Variants in ITGA11 observed in about 807,000 individuals in gnomAD.
ITGA11 encodes the protein integrin alpha-11.
A neutral mutation model predicts 141.9 loss-of-function variants in ITGA11; 97 were observed. The observed-to-expected ratio is 0.68, with a 90% confidence interval of 0.58 to 0.81. ITGA11 has a LOEUF of 0.81. ITGA11 is among the 30% of genes least tolerant of loss of function. The pLI is 0.00. For synonymous variants in ITGA11, 658 were observed against 624.6 expected (o/e 1.05, Z -0.80); for missense variants, 1,387 against 1,559.2 (o/e 0.89, Z 1.86).
intron 2 of ITGA11, among the ~76,000 whole-genome samples, chr15:68,385,269 A>ATGGCTTTGC (rs1555452278): frequency 6.6e-6 from 1 of 152,210 alleles, no homozygotes; most frequent in East Asian, 1.9e-4. Context: ...CTACTCGGAC[A>ATGGCTTTGC]TGCCTTTGCT....
At chr15:68,374,726 C>T (rs1895685624) in intron 2 of ITGA11, among the ~76,000 whole-genome samples, 1 of 152,228 alleles carries the variant, frequency 6.6e-6, no homozygotes, top group Non-Finnish European at 1.5e-5. Flanking sequence ...ATGAGCTTGC[C>T]TCTGCAGGAG....
At position 68,408,554 on chromosome 15, in the gene ITGA11, C is replaced by T. The variant is rs576627950; in HGVS notation, c.53-5525G>A. 2.6e-5 allele frequency among the ~76,000 whole-genome samples: 4 copies of T among 152,028 alleles called. No homozygotes were observed. In the East Asian group the frequency reaches 5.8e-4, roughly 22 times the overall value. ...TTGGGAGAGTGGCTCACGGGAAGCA[C>T]GTGGAGTGCAAGTGTGCCCTGCAAG... On this transcript the variant is annotated intron_variant, in intron 1 of 29. Transcript: ENST00000315757.
At chr15:68,319,359 C>T (rs558427119) in intron 20 of ITGA11, among the ~76,000 whole-genome samples, 7 of 152,344 alleles carry the variant, frequency 4.6e-5, no homozygotes, top group South Asian at 2.1e-4. Flanking sequence ...GCTAGCACAG[C>T]GCTGGACGCC....
rs976475462 is a variant in ITGA11, at chr15:68,328,822, A to G, written c.1902-560T>C. ...AGATCCCAGGTGATGTGAACGTTCC[A>G]TGGACCACACTTCGAAGAGCGAGGC... is the stretch of plus-strand genomic sequence containing the variant. On this transcript the variant is annotated intron_variant, in intron 15 of 29. Transcript: ENST00000315757. This position sits in a 1 kb window ranked among gnomAD's most constrained non-coding sequence, Gnocchi z 4.8. Among the ~76,000 whole-genome samples, 1 of 152,166 alleles carries G rather than the reference A, an allele frequency of 6.6e-6. No individual in the cohort carries two copies. The highest frequency in any genetic ancestry group is 1.5e-5 in the Non-Finnish European group (1 of 68,028).
chr15:68,424,579 A>C (rs2140440614), intron 1 of ITGA11, among the ~76,000 whole-genome samples: 1 of 152,302 alleles, frequency 6.6e-6, no homozygotes, highest in East Asian at 1.9e-4. Context: ...CCCAGGATGG[A>C]GGACCACTGG....
At chr15:68,344,285 TA>T (rs1285617944) in intron 10 of ITGA11, among the ~76,000 whole-genome samples, 3 of 152,098 alleles carry the variant, frequency 2.0e-5, no homozygotes, top group African/African-American at 2.4e-5. Context: ...TGTTTAGGTC[TA>T]GGGGGGCACA....
chr15:68,415,750 A>C (rs1441611781), intron 1 of ITGA11, among the ~76,000 whole-genome samples: 6 of 152,116 alleles, frequency 3.9e-5, no homozygotes, highest in Non-Finnish European at 4.4e-5. Context: ...CAGAGAGCTC[A>C]TGTGTGTCAT....
At chr15:68,317,422 G>A (rs1567125853) in intron 20 of ITGA11, 59 bp from the exon 21 acceptor site, 16 of 1,200,358 alleles carry the variant, frequency 1.3e-5, no homozygotes, top group East Asian at 7.0e-5. Context: ...ACCAGGTCTC[G>A]AGGCTCCCTC....
At chr15:68,431,563 G>A (rs777013868) in intron 1 of ITGA11, among the ~76,000 whole-genome samples, 1 of 152,182 alleles carries the variant, frequency 6.6e-6, no homozygotes, top group Non-Finnish European at 1.5e-5. Context: ...TCCAAACTTT[G>A]AGATGCTTCC....
rs767641088 is a variant in ITGA11, at chr15:68,350,719, T to C, written c.958A>G (p.Ile320Val). ...TGCTTGTCATCAGGGTCACTGGCGA[T>C]GTATTTGATTTCATTTAGAAAAGTT... ...PETFLNEIKY[I>V]ASDPDDKHFF... Residue 320 changes from isoleucine to valine, a missense_variant, in exon 9 of 30, where the codon ATC (isoleucine) becomes GTC (valine). Physicochemically the swap from Ile to Val is conservative, Grantham distance 29. Coordinates refer to ENST00000315757, the MANE Select transcript of ITGA11 (RefSeq NM_001004439.2). The C allele has an allele frequency of 3.1e-6, 5 of 1,613,758 alleles. No individual in the cohort carries two copies. In the Admixed American group the frequency reaches 6.7e-5, roughly 22 times the overall value.
At chr15:68,396,913 ATAT>A (rs1419607360) in intron 2 of ITGA11, among the ~76,000 whole-genome samples, 2 of 107,496 alleles carry the variant, frequency 1.9e-5, no homozygotes, top group African/African-American at 3.6e-5. Flanking sequence ...GATTTATTAT[ATAT>A]TATTTATTAT....
chr15:68,336,534 C>CCG (rs1894366406), intron 11 of ITGA11, among the ~76,000 whole-genome samples: 2 of 152,318 alleles, frequency 1.3e-5, no homozygotes, highest in East Asian at 3.9e-4. Flanking sequence ...CCCGGTATGG[C>CCG]TGTGCCTGAT....
intron 14 of ITGA11, 48 bp downstream of exon 14, chr15:68,331,811 A>C: frequency 6.7e-7 from 1 of 1,483,986 alleles, no homozygotes; most frequent in Non-Finnish European, 9.3e-7. Flanking sequence ...GACTCCTGGG[A>C]CTCCTGCAGC....
At chr15:68,397,811 T>TA (rs1449510895) in intron 2 of ITGA11, among the ~76,000 whole-genome samples, 38,866 of 130,726 alleles carry the variant, frequency 0.3, 8,872 homozygotes, top group African/African-American at 0.37. Flanking sequence ...TTAATAATAA[T>TA]ATTATATATT....
chr15:68,316,516 A>G (rs146282190), intron 21 of ITGA11, among the ~76,000 whole-genome samples: 3 of 152,290 alleles, frequency 2.0e-5, no homozygotes, highest in African/African-American at 7.2e-5. Context: ...TCCCCACTCC[A>G]GAGCTCCTGG....
chr15:68,307,504 C>G lies in ITGA11; in HGVS notation c.3286-61G>C, dbSNP rs1893238553. 1 of 1,513,104 alleles carries G rather than the reference C, an allele frequency of 6.6e-7. No individual in the cohort carries two copies. Among genetic ancestry groups the G allele is most frequent in the Non-Finnish European group, 9.0e-7 (1 of 1,109,686 alleles). 93.7% of individuals were successfully genotyped at this position (1,513,104 alleles called of 1,614,324 possible). A position where few individuals can be genotyped will look rare whatever the true frequency, so the allele number is the denominator to read the frequency against. On this transcript the variant is annotated intron_variant, in intron 27 of 29. Coordinates refer to ENST00000315757, the MANE Select transcript of ITGA11 (RefSeq NM_001004439.2). The surrounding 1 kb of genome is among the most constrained non-coding windows in gnomAD (Gnocchi z 6.1). Reference sequence around the variant, plus strand: ...GAAGCTTTTCTTCCCGTCCCCTCCCCAGGCAGCCCCAGGTGGAAGACATCC... The same window carrying G: ...GAAGCTTTTCTTCCCGTCCCCTCCCGAGGCAGCCCCAGGTGGAAGACATCC...
In ITGA11 at chr15:68,364,752, G is replaced by A. The variant is rs764212563; in HGVS notation, c.312C>T (p.Arg104=). ...GGTTGGTGGCGAGACTAAGGCCGAG[G>A]CGCATGTTGTCTTTCCGCTCGGACA... The part of the protein sequence containing the change: ...SNVSERKDNM[R]LGLSLATNPK... The change falls in exon 4 of 30, where the codon CGC becomes CGT. Residue 104 remains arginine, a synonymous_variant. Transcript: ENST00000315757. 2 of 1,613,882 alleles carry A rather than the reference G, an allele frequency of 1.2e-6. No individual in the cohort carries two copies. Among genetic ancestry groups the A allele is most frequent in the South Asian group, 2.2e-5 (2 of 91,062 alleles).
At chr15:68,414,852 G>A (rs757042642) in intron 1 of ITGA11, among the ~76,000 whole-genome samples, 17 of 152,244 alleles carry the variant, frequency 1.1e-4, no homozygotes, top group African/African-American at 2.2e-4. Context: ...CTCTCCCCAC[G>A]GCTTAGCGCC....
intron 2 of ITGA11, among the ~76,000 whole-genome samples, chr15:68,380,771 C>G (rs1408145794): frequency 6.6e-6 from 1 of 152,216 alleles, no homozygotes; most frequent in Admixed American, 6.5e-5. Flanking sequence ...TCTGGAGGGA[C>G]AGACAATTCC....
Sources: allele counts gnomAD v4.1 joint callset (sites outside exome capture counted in the v4.1 genomes callset), GRCh38; gene constraint gnomAD v4.1.1; non-coding constraint Gnocchi (gnomAD v3.1); transcripts MANE v1.5; gene names NCBI Gene and HGNC (gene_info 2026-07-23, HGNC 2026-07-21).